Variants in MGAT4A observed in about 807,000 individuals in gnomAD.
MGAT4A encodes alpha-1,3-mannosyl-glycoprotein 4-beta-N-acetylglucosaminyltransferase A.
A neutral mutation model predicts 74.1 loss-of-function variants in MGAT4A; 33 were observed. The ratio of observed to expected loss-of-function variants is 0.45; its 90% CI spans 0.34 to 0.60. The LOEUF (loss-of-function observed/expected upper bound fraction) is 0.60, where lower values mean the gene tolerates loss of function less well. Among genes scored for constraint, MGAT4A ranks in the 20% least tolerant of loss-of-function variants. The pLI, the probability that MGAT4A is intolerant of heterozygous loss-of-function variation, is 0.02. For missense variants in MGAT4A, 479 were observed against 628.3 expected (o/e 0.76, Z 2.54); for synonymous variants, 198 against 210.4 (o/e 0.94, Z 0.51).
chr2:98,636,133 C>T (rs989841700), intron 13 of MGAT4A, among the ~76,000 whole-genome samples: 1 of 151,974 alleles, frequency 6.6e-6, no homozygotes, highest in Non-Finnish European at 1.5e-5. Flanking sequence ...GCTGGGATTA[C>T]AGGCGCATGC....
At chr2:98,635,045 A>G (rs1460726972) in intron 14 of MGAT4A, among the ~76,000 whole-genome samples, 177 bp downstream of exon 14, 1 of 152,184 alleles carries the variant, frequency 6.6e-6, no homozygotes, top group Non-Finnish European at 1.5e-5. Context: ...CCAATCTGTG[A>G]TATGAAATCC....
intron 8 of MGAT4A, among the ~76,000 whole-genome samples, chr2:98,653,126 A>C (rs975809548): frequency 2.7e-5 from 4 of 149,742 alleles, no homozygotes; most frequent in Non-Finnish European, 6.0e-5. Flanking sequence ...GAAAACAAAA[A>C]AAAAAATATA....
intron 14 of MGAT4A, among the ~76,000 whole-genome samples, chr2:98,631,546 G>A (rs1489659474): frequency 6.6e-6 from 1 of 152,268 alleles, no homozygotes; most frequent in East Asian, 1.9e-4. Context: ...ACGTGGAGGG[G>A]AAGGAAGCAC....
intron 5 of MGAT4A, among the ~76,000 whole-genome samples, chr2:98,660,242 T>C (rs1001317493): frequency 1.2e-4 from 19 of 152,090 alleles, no homozygotes; most frequent in African/African-American, 3.6e-4. Context: ...CACAAATAAA[T>C]AGATATCTTT....
chr2:98,678,352 C>T lies in MGAT4A; in HGVS notation c.214G>A (p.Val72Ile). 2.0e-6 allele frequency: 3 copies of T among 1,495,170 alleles called. No individual in the cohort carries two copies. Among genetic ancestry groups the T allele is most frequent in the Non-Finnish European group, 2.7e-6 (3 of 1,111,036 alleles). 92.6% of individuals were successfully genotyped at this position (1,495,170 alleles called of 1,614,324 possible). The change falls in exon 3 of 16, where the codon GTA becomes ATA. Residue 72 changes from valine to isoleucine, a missense_variant. Around this residue, in one of 3 missense-constraint regions of MGAT4A, gnomAD observed 205 missense variants for 232.7 expected, o/e 0.88. Coordinates refer to ENST00000393487, the MANE Select transcript of MGAT4A (RefSeq NM_012214.3). ...TTACTTCCATTTGTTTCTGCTCCTA[C>T]ACGCTTGAACTGTTGCACAATCGTA... ...LNTIVQQFKR[V>I]GAETNGSKDA... is the part of the protein sequence containing the mutation.
In MGAT4A at chr2:98,666,372, G is replaced by C. The variant is rs574953681; in HGVS notation, c.404-3193C>G. ...CCAAAAGACAGGATGAGTTACAATG[G>C]AAGCAAAATTCCATAGAATAATCTA... is the stretch of plus-strand genomic sequence containing the variant. On this transcript the variant is annotated intron_variant, in intron 4 of 15. Coordinates refer to ENST00000393487, the MANE Select transcript of MGAT4A (RefSeq NM_012214.3). Among the ~76,000 whole-genome samples the C allele has an allele frequency of 8.5e-5, 13 of 152,244 alleles. 1 individual carries two copies. Among genetic ancestry groups the C allele is most frequent in the African/African-American group, 3.1e-4 (13 of 41,538 alleles).
chr2:98,679,224 G>A (rs983266231), intron 2 of MGAT4A, among the ~76,000 whole-genome samples: 1 of 152,038 alleles, frequency 6.6e-6, no homozygotes, highest in African/African-American at 2.4e-5. Flanking sequence ...GGCTAACACG[G>A]TGAAACCCTG....
intron 4 of MGAT4A, among the ~76,000 whole-genome samples, chr2:98,671,754 A>C (rs1459716222): frequency 6.6e-6 from 1 of 152,008 alleles, no homozygotes; most frequent in African/African-American, 2.4e-5. Context: ...AGTTCTTGAG[A>C]TGGGGTGATT....
chr2:98,729,572 C>T (rs1312240740), intron 1 of MGAT4A, among the ~76,000 whole-genome samples: 2 of 152,196 alleles, frequency 1.3e-5, no homozygotes, highest in Non-Finnish European at 2.9e-5. Context: ...AATTGCTAGT[C>T]ATTTCTCCAC....
intron 14 of MGAT4A, among the ~76,000 whole-genome samples, chr2:98,626,866 C>T (rs1398819948): frequency 6.6e-6 from 1 of 152,122 alleles, no homozygotes; most frequent in African/African-American, 2.4e-5. Flanking sequence ...ATCTTTGAAA[C>T]GTTCTTTCAC....
At chr2:98,672,014 C>T (rs1701917822) in intron 4 of MGAT4A, among the ~76,000 whole-genome samples, 1 of 135,986 alleles carries the variant, frequency 7.4e-6, no homozygotes, top group African/African-American at 2.8e-5. Context: ...CCCCTCTTGA[C>T]AACCTGGTGT....
intron 2 of MGAT4A, among the ~76,000 whole-genome samples, chr2:98,684,291 G>A (rs576634227): frequency 7.9e-5 from 12 of 152,028 alleles, no homozygotes; most frequent in Non-Finnish European, 1.0e-4. Flanking sequence ...CATTTCAATC[G>A]GTTTGTATGA....
At chr2:98,649,603 C>T (rs1161251676) in intron 8 of MGAT4A, among the ~76,000 whole-genome samples, 3 of 152,134 alleles carry the variant, frequency 2.0e-5, no homozygotes, top group Admixed American at 6.5e-5. Context: ...GTACCAGAGA[C>T]AGAAACTAGG....
intron 14 of MGAT4A, among the ~76,000 whole-genome samples, chr2:98,626,442 C>T (rs952495509): frequency 1.1e-4 from 16 of 152,158 alleles, no homozygotes; most frequent in African/African-American, 3.9e-4. Context: ...CTGTGTACCA[C>T]TTTTCTTGCT....
chr2:98,644,890 T>C lies in MGAT4A; in HGVS notation c.889+538A>G, dbSNP rs550039187. Among the ~76,000 whole-genome samples, 401 of 152,308 alleles carry C rather than the reference T, an allele frequency of 2.6e-3. 3 individuals carry two copies. The highest frequency in any genetic ancestry group is 4.5e-3 in the Non-Finnish European group (305 of 68,028). The stretch of plus-strand genomic sequence containing the variant: ...CTCAGGTGATCCACCCGCCTCGGCC[T>C]CCCAAAGTGCTGGGATTACAGGCGT... On this transcript the variant is annotated intron_variant, in intron 9 of 15. Transcript: ENST00000393487.
At chr2:98,658,698 G>GA (rs1314088738) in intron 5 of MGAT4A, among the ~76,000 whole-genome samples, 1 of 151,694 alleles carries the variant, frequency 6.6e-6, no homozygotes, top group Non-Finnish European at 1.5e-5. Flanking sequence ...CCTATTCTAT[G>GA]AAAAAAAGGA....
Position 98,731,019 on chromosome 2 carries a change from C to CGCCGCCGCT in MGAT4A, c.-236+20_-236+28dup, listed in dbSNP as rs1468369154. 7.8e-5 allele frequency: 11 copies of CGCCGCCGCT among 140,366 alleles called. No homozygotes were observed. Among genetic ancestry groups the CGCCGCCGCT allele is most frequent in the South Asian group, 1.9e-4 (1 of 5,346 alleles). The allele number at this position is 140,366 out of a possible 1,614,324, so 8.7% of individuals were successfully genotyped here. On this transcript the variant is annotated intron_variant, in intron 1 of 15. Coordinates refer to ENST00000393487, the MANE Select transcript of MGAT4A (RefSeq NM_012214.3). This position sits in a 1 kb window ranked among gnomAD's most constrained non-coding sequence, Gnocchi z 4.8. The stretch of plus-strand genomic sequence containing the variant: ...CCCCGCGCCCCCTCCCGCCCCCGCG[C>CGCCGCCGCT]GCCGCCGCTGCCGCCGCGAGCCCCT...
intron 3 of MGAT4A, 62 bp downstream of exon 3, chr2:98,678,242 A>AT (rs1190309579): frequency 3.0e-4 from 112 of 372,544 alleles, no homozygotes; most frequent in African/African-American, 2.7e-3. Context: ...AGAAAAAAAA[A>AT]AAAAAAAATA....
At chr2:98,653,559 C>A (rs1397697043) in intron 8 of MGAT4A, among the ~76,000 whole-genome samples, 5 of 152,032 alleles carry the variant, frequency 3.3e-5, no homozygotes, top group Admixed American at 6.5e-5. Context: ...TATGTGCCAA[C>A]AAATTGGATA....
Sources: gnomAD v4.1 joint callset for allele counts (sites outside exome capture counted in the v4.1 genomes callset) on GRCh38, gnomAD v4.1.1 for gene constraint, gnomAD v4.1.1 regional missense constraint, Gnocchi (gnomAD v3.1) non-coding constraint, MANE v1.5 for transcripts, NCBI Gene and HGNC (gene_info 2026-07-23, HGNC 2026-07-21) for gene names.